The following UFL1 variants were observed in gnomAD, a reference collection of about 807,000 sequenced individuals.
UFL1 encodes the protein UFM1 specific ligase 1.
Under a neutral mutation model 99.3 loss-of-function variants are expected in UFL1, and 78 were observed. The ratio of observed to expected loss-of-function variants is 0.79; its 90% CI spans 0.65 to 0.95. UFL1 has a LOEUF of 0.95. Ranked by LOEUF, UFL1 falls within the 40% of genes least tolerant of loss-of-function variation. UFL1 has a pLI of 0.00. For missense variants in UFL1, 936 were observed against 937.0 expected, an observed-to-expected ratio of 1.00 and a Z score of 0.01; for synonymous variants, 335 against 322.2, an observed-to-expected ratio of 1.04 and a Z score of -0.42.
chr6:96,526,849 GT>G (rs1403034759), intron 5 of UFL1, among the ~76,000 whole-genome samples: 1 of 152,112 alleles, frequency 6.6e-6, no homozygotes, highest in African/African-American at 2.4e-5. Flanking sequence ...TTTATAGGGG[GT>G]ACTACTGGCT....
chr6:96,539,927 A>G (rs921873918), intron 10 of UFL1, among the ~76,000 whole-genome samples: 7 of 151,614 alleles, frequency 4.6e-5, no homozygotes, highest in African/African-American at 1.2e-4. Context: ...TATTACTTTT[A>G]TCATAAATAT....
chr6:96,528,656 T>C, intron 6 of UFL1, 24 bp downstream of exon 6: 3 of 1,563,186 alleles, frequency 1.9e-6, no homozygotes, highest in Non-Finnish European at 2.6e-6. Flanking sequence ...AAAGTATATA[T>C]ATTTGCACAT....
intron 6 of UFL1, among the ~76,000 whole-genome samples, chr6:96,533,977 T>C (rs1043215915): frequency 2.0e-5 from 3 of 151,602 alleles, no homozygotes; most frequent in Non-Finnish European, 4.4e-5. Context: ...AGAAAAAACA[T>C]TGAAGAAAAA....
chr6:96,526,370 A>C lies in UFL1; in HGVS notation c.400A>C (p.Ser134Arg), dbSNP rs1361434452. Residue 134 changes from serine to arginine, a missense_variant, in exon 5 of 19, where the codon AGT becomes CGT. Physicochemically the swap from Ser to Arg is moderately radical, Grantham distance 110. Transcript: ENST00000369278. Reference protein sequence around the residue: ...AEEVNDKLQESGQVTISELCK... With the variant: ...AEEVNDKLQERGQVTISELCK... ...AGAGGTCAATGATAAATTGCAAGAA[A>C]GTGGTCAGGTCACCATATCAGAACT... 1 of 1,613,718 alleles carries C rather than the reference A, an allele frequency of 6.2e-7. No homozygotes were observed. Among genetic ancestry groups the C allele is most frequent in the South Asian group, 1.1e-5 (1 of 91,000 alleles).
intron 10 of UFL1, among the ~76,000 whole-genome samples, chr6:96,539,015 A>C (rs907758005): frequency 2.6e-5 from 4 of 151,528 alleles, no homozygotes; most frequent in Non-Finnish European, 5.9e-5. Context: ...AAAGTTGGGG[A>C]ACTGACTTTA....
chr6:96,531,732 T>C (rs1433845036), intron 6 of UFL1, among the ~76,000 whole-genome samples: 1 of 152,224 alleles, frequency 6.6e-6, no homozygotes, highest in Admixed American at 6.5e-5. Context: ...TATTTACCTT[T>C]TTTCTTTGAC....
intron 6 of UFL1, among the ~76,000 whole-genome samples, chr6:96,529,024 T>A (rs1017167053): frequency 6.6e-6 from 1 of 152,244 alleles, no homozygotes; most frequent in Non-Finnish European, 1.5e-5. Flanking sequence ...CTTGAGCAGA[T>A]AAGTCAGTCA....
intron 12 of UFL1, among the ~76,000 whole-genome samples, chr6:96,545,889 C>G (rs1449927144): frequency 6.6e-6 from 1 of 151,052 alleles, no homozygotes; most frequent in Non-Finnish European, 1.5e-5. Context: ...ATAAGAGCTA[C>G]TTAACGACAA....
In UFL1 at chr6:96,549,779, C is replaced by T; in HGVS notation, c.1798C>T (p.Pro600Ser). 1 of 1,611,778 alleles carries T rather than the reference C, an allele frequency of 6.2e-7. No individual in the cohort carries two copies. Among genetic ancestry groups the T allele is most frequent in the Non-Finnish European group, 8.5e-7 (1 of 1,178,508 alleles). ...GGATTTAATGATGGCAGTAGACGAT[C>T]CTGCAGCCATTACAAGTGAAGTATG... ...ASDLMMAVDDPAAITSEIRKK... is the reference protein window; with the variant it reads ...ASDLMMAVDDSAAITSEIRKK... The change falls in exon 15 of 19, where the codon CCT becomes TCT. Residue 600 changes from proline (P) to serine (S), a missense_variant. By Grantham distance (74) the Pro-to-Ser change is moderately conservative. Transcript: ENST00000369278.
intron 4 of UFL1, among the ~76,000 whole-genome samples, chr6:96,525,807 C>G (rs1387648926): frequency 6.6e-6 from 1 of 151,766 alleles, no homozygotes; most frequent in East Asian, 1.9e-4. Flanking sequence ...AATCTTAACT[C>G]TGAAAGCAAA....
intron 12 of UFL1, among the ~76,000 whole-genome samples, chr6:96,547,013 G>A (rs1770010446): frequency 1.3e-5 from 2 of 151,674 alleles, no homozygotes; most frequent in South Asian, 4.1e-4. Flanking sequence ...AAACTAAAAA[G>A]TTTCTGCACA....
Position 96,549,428 on chromosome 6 carries a change from T to TA in UFL1, c.1538dup (p.Tyr513Ter). 6.3e-7 allele frequency: 1 copy of TA among 1,595,692 alleles called. No homozygotes were observed. Among genetic ancestry groups the TA allele is most frequent in the Non-Finnish European group, 8.5e-7 (1 of 1,174,878 alleles). ...TATGCACAGACCTCTTAATAAAACT[T>TA]ATCTCGAGGTGGTACGTTCAGTATT... Reference protein sequence around the residue: ...EYLIKPLNKTYLEVVRSVFMS... With the variant: ...EYLIKPLNKT Residue 513 changes from tyrosine to a stop codon, truncating the protein, a stop_gained and frameshift_variant, in exon 14 of 19, where the codon TAT becomes TAAT. Transcript: ENST00000369278. LOFTEE classifies it high-confidence loss of function.
intron 12 of UFL1, among the ~76,000 whole-genome samples, chr6:96,543,757 A>G (rs993925753): frequency 1.3e-5 from 2 of 151,136 alleles, no homozygotes; most frequent in African/African-American, 4.8e-5. Flanking sequence ...TGGTATGACA[A>G]TTTATAAGGC....
Position 96,549,393 on chromosome 6 carries a change from A to C in UFL1, c.1521-19A>C. ...CTCAGTACATTTTAATAAACTAAAT[A>C]TATTTGTCTTATGCACAGACCTCTT... On this transcript the variant is annotated intron_variant, in intron 13 of 18. Coordinates refer to ENST00000369278, the MANE Select transcript of UFL1 (RefSeq NM_015323.5). The C allele has an allele frequency of 6.4e-7, 1 of 1,564,902 alleles. No homozygotes were observed.
intron 15 of UFL1, 46 bp downstream of exon 15, chr6:96,549,845 A>G (rs905550408): frequency 1.3e-5 from 20 of 1,583,400 alleles, no homozygotes; most frequent in Non-Finnish European, 1.7e-5. Flanking sequence ...TCTGTTTTGC[A>G]TCTATACACA....
intron 17 of UFL1, 64 bp from the exon 18 acceptor site, chr6:96,552,418 A>G: frequency 2.1e-6 from 3 of 1,459,520 alleles, no homozygotes; most frequent in Non-Finnish European, 1.8e-6. Flanking sequence ...AAAGGGATGA[A>G]TTGAAATTGG....
chr6:96,540,354 AG>A (rs1464102766), intron 10 of UFL1, among the ~76,000 whole-genome samples, 180 bp from the exon 11 acceptor site: 1 of 151,516 alleles, frequency 6.6e-6, no homozygotes, highest in Non-Finnish European at 1.5e-5. Context: ...AAGAGCAGCA[AG>A]AGAAGAGACC....
At chr6:96,535,785 G>C (rs145222783) in intron 7 of UFL1, among the ~76,000 whole-genome samples, 25 of 152,038 alleles carry the variant, frequency 1.6e-4, no homozygotes, top group African/African-American at 6.0e-4. Flanking sequence ...GCTTATAGTT[G>C]TATTTCACAC....
At chr6:96,533,938 T>C (rs1014984521) in intron 6 of UFL1, among the ~76,000 whole-genome samples, 1 of 151,876 alleles carries the variant, frequency 6.6e-6, no homozygotes, top group Non-Finnish European at 1.5e-5. Context: ...CACTTGAATA[T>C]TCCCAAGTAA....
Sources: allele counts gnomAD v4.1 joint callset (sites outside exome capture counted in the v4.1 genomes callset), GRCh38; gene constraint gnomAD v4.1.1; transcripts MANE v1.5; gene names NCBI Gene and HGNC (gene_info 2026-07-23, HGNC 2026-07-21).